The following ANKUB1 variants were observed in gnomAD, a reference collection of about 807,000 sequenced individuals.
The protein encoded by ANKUB1 is ankyrin repeat and ubiquitin domain containing 1, also known as protein ANKUB1.
Under a neutral mutation model 49.3 loss-of-function variants are expected in ANKUB1, and 42 were observed. The ratio of observed to expected loss-of-function variants is 0.85; its 90% CI spans 0.67 to 1.10. The LOEUF is 1.10. Among genes scored for constraint, ANKUB1 ranks in the 50% least tolerant of loss-of-function variants. The pLI, the probability that ANKUB1 is intolerant of heterozygous loss-of-function variation, is 0.00. For missense variants in ANKUB1, 613 were observed against 642.0 expected, an observed-to-expected ratio of 0.95 and a Z score of 0.49; for synonymous variants, 222 against 231.0, an observed-to-expected ratio of 0.96 and a Z score of 0.35.
intron 3 of ANKUB1, among the ~76,000 whole-genome samples, chr3:149,773,846 C>A (rs1178911948): frequency 1.3e-5 from 2 of 152,150 alleles, no homozygotes; most frequent in Non-Finnish European, 2.9e-5. Flanking sequence ...CAGAGAACAA[C>A]CTTAATTCCC....
chr3:149,775,659 C>T (rs1048740801), intron 3 of ANKUB1, among the ~76,000 whole-genome samples: 2 of 152,136 alleles, frequency 1.3e-5, no homozygotes, highest in South Asian at 4.1e-4. Context: ...TGAAGAGTAC[C>T]AATTGGTATC....
At chr3:149,782,440 C>T (rs533715354) in intron 2 of ANKUB1, among the ~76,000 whole-genome samples, 5 of 152,154 alleles carry the variant, frequency 3.3e-5, no homozygotes, top group African/African-American at 4.8e-5. Context: ...TAAAAAGAAG[C>T]TTCTCAGAAT....
chr3:149,771,280 G>T lies in ANKUB1; in HGVS notation c.452-606C>A, dbSNP rs576824541. On this transcript the variant is annotated intron_variant, in intron 3 of 5. Coordinates refer to ENST00000446160, the MANE Select transcript of ANKUB1 (RefSeq NM_001144960.3). ...CCCAGGGATCTTTCCTCAGCCTTCC[G>T]TTCTTCTCAATTTACGCAAGTTCCC... is the stretch of plus-strand genomic sequence containing the variant. Among the ~76,000 whole-genome samples, 5 of 152,200 alleles carry T rather than the reference G, an allele frequency of 3.3e-5. No individual in the cohort carries two copies. The South Asian group carries it at 1.0e-3, about 32-fold the overall frequency.
intron 1 of ANKUB1, among the ~76,000 whole-genome samples, chr3:149,791,520 A>G (rs1718360024): frequency 6.6e-6 from 1 of 152,170 alleles, no homozygotes; most frequent in Admixed American, 6.5e-5. Context: ...CAAAGGGGTT[A>G]ATAAAACATA....
At chr3:149,790,959 A>T (rs1197162920) in intron 1 of ANKUB1, 35 bp from the exon 2 acceptor site, 1 of 1,536,704 alleles carries the variant, frequency 6.5e-7, no homozygotes, top group Admixed American at 2.0e-5. Context: ...AAAACAGTAC[A>T]TCCTTACGTT....
intron 2 of ANKUB1, among the ~76,000 whole-genome samples, chr3:149,787,030 G>T (rs1223707596): frequency 1.3e-5 from 2 of 152,074 alleles, no homozygotes; most frequent in Non-Finnish European, 2.9e-5. Context: ...TTGTTCTTTT[G>T]GCTTAGGATC....
chr3:149,761,486 A>C lies in ANKUB1; in HGVS notation c.1633T>G (p.Ter545GlyextTer12). Reference protein sequence around the residue: ...ACENSLETVL* With the variant: ...ACENSLETVLG ...CAAACTGAAGTTGTCATGACTTTTC[A>C]AAGCACAGTTTCTAGAGAGTTTTCA... The change falls in exon 6 of 6, where the codon TGA becomes GGA. Residue 545 changes from the stop codon to glycine (G), a stop_lost. Coordinates refer to ENST00000446160, the MANE Select transcript of ANKUB1 (RefSeq NM_001144960.3). 1 of 1,551,320 alleles carries C rather than the reference A, an allele frequency of 6.4e-7. No individual in the cohort carries two copies. The highest frequency in any genetic ancestry group is 8.7e-7 in the Non-Finnish European group (1 of 1,146,696).
At chr3:149,772,427 C>T (rs1171076425) in intron 3 of ANKUB1, among the ~76,000 whole-genome samples, 1 of 152,206 alleles carries the variant, frequency 6.6e-6, no homozygotes, top group South Asian at 2.1e-4. Flanking sequence ...CTCAACCAGT[C>T]CTGCCCTATT....
chr3:149,773,142 T>C (rs1002961243), intron 3 of ANKUB1, among the ~76,000 whole-genome samples: 1 of 152,130 alleles, frequency 6.6e-6, no homozygotes, highest in Admixed American at 6.6e-5. Context: ...GCCTTTCTCT[T>C]TCTTTCCTTT....
chr3:149,779,975 A>C (rs557440227), intron 3 of ANKUB1: 3 of 438,004 alleles, frequency 6.8e-6, no homozygotes, highest in South Asian at 3.4e-5. Flanking sequence ...GTAAATCTTC[A>C]AAACAATAAT....
chr3:149,777,284 C>T (rs1284096019), intron 3 of ANKUB1, among the ~76,000 whole-genome samples: 1 of 152,084 alleles, frequency 6.6e-6, no homozygotes, highest in Non-Finnish European at 1.5e-5. Flanking sequence ...CCATCCTGGC[C>T]AACAGGGTGA....
At chr3:149,784,240 T>C (rs1352598070) in intron 2 of ANKUB1, among the ~76,000 whole-genome samples, 2 of 152,088 alleles carry the variant, frequency 1.3e-5, no homozygotes, top group African/African-American at 4.8e-5. Flanking sequence ...TTGGTACAAG[T>C]CTGGTTATAG....
chr3:149,791,575 A>C (rs993649759), intron 1 of ANKUB1, among the ~76,000 whole-genome samples: 1 of 152,234 alleles, frequency 6.6e-6, no homozygotes, highest in Admixed American at 6.5e-5. Flanking sequence ...TTCAATCATC[A>C]TAATAATCTA....
At chr3:149,774,830 C>G (rs1717522521) in intron 3 of ANKUB1, among the ~76,000 whole-genome samples, 1 of 152,202 alleles carries the variant, frequency 6.6e-6, no homozygotes, top group Non-Finnish European at 1.5e-5. Context: ...GTAATGCCCT[C>G]TTTGTCAGAT....
At chr3:149,767,129 G>C (rs746871184) in intron 5 of ANKUB1, 28 bp downstream of exon 5, 1 of 1,475,210 alleles carries the variant, frequency 6.8e-7, no homozygotes, top group Non-Finnish European at 9.0e-7. Context: ...AAGCTTTGCT[G>C]TTTGTATGTT....
intron 5 of ANKUB1, chr3:149,766,851 AGCAGCAGCAGCAGCAGCAGCAGCAGCAGC>A: frequency 1.7e-6 from 2 of 1,173,966 alleles, no homozygotes; most frequent in Non-Finnish European, 2.4e-6. Context: ...CAGCAGCAGC[AGCAGCAGCAGCAGCAGCAGCAGCAGCAGC>A]AAGGGACCTT....
At chr3:149,770,521 C>T (rs576962310) in intron 4 of ANKUB1, 39 bp downstream of exon 4, 305 of 1,421,976 alleles carry the variant, frequency 2.1e-4, no homozygotes, top group Non-Finnish European at 2.8e-4. Context: ...GTAAAAATCA[C>T]AGCACTTGCT....
Position 149,767,697 on chromosome 3 carries a change from C to T in ANKUB1, c.965G>A (p.Arg322Lys). ...TTTATGAAGACTGTGACTCTGAGCT[C>T]TGAGGATCCATTGTTTTATTTTAAT... ...IYIKIKQWILRAQSHSLHKSQ... is the reference protein window; with the variant it reads ...IYIKIKQWILKAQSHSLHKSQ... The change falls in exon 5 of 6, where the codon AGA becomes AAA. Residue 322 changes from arginine to lysine, a missense_variant. By Grantham distance (26) the Arg-to-Lys change is conservative (BLOSUM62 2). Transcript: ENST00000446160. 1 of 1,551,664 alleles carries T rather than the reference C, an allele frequency of 6.4e-7. No homozygotes were observed. Among genetic ancestry groups the T allele is most frequent in the Non-Finnish European group, 8.7e-7 (1 of 1,147,004 alleles).
intron 4 of ANKUB1, among the ~76,000 whole-genome samples, chr3:149,768,579 T>A (rs909835829): frequency 7.0e-6 from 1 of 142,438 alleles, no homozygotes; most frequent in Non-Finnish European, 1.6e-5. Context: ...TCTTGCTCTG[T>A]TGCTCAGGCT....
Sources: allele counts gnomAD v4.1 joint callset (sites outside exome capture counted in the v4.1 genomes callset), GRCh38; gene constraint gnomAD v4.1.1; transcripts MANE v1.5; gene names NCBI Gene and HGNC (gene_info 2026-07-23, HGNC 2026-07-21).